RCOR3: variants seen among roughly 807,000 people sequenced by gnomAD.
RCOR3 encodes the protein REST corepressor 3.
Under a neutral mutation model 64.1 loss-of-function variants are expected in RCOR3, and 13 were observed. The ratio of observed to expected loss-of-function variants is 0.20; its 90% CI spans 0.13 to 0.32. The LOEUF (loss-of-function observed/expected upper bound fraction) is 0.32, where lower values mean the gene tolerates loss of function less well. Ranked by LOEUF, RCOR3 falls within the 10% of genes least tolerant of loss-of-function variation. The pLI, the probability that RCOR3 is intolerant of heterozygous loss-of-function variation, is 1.00. For synonymous variants in RCOR3, 215 were observed against 239.0 expected (o/e 0.90, Z 0.93); for missense variants, 489 against 701.2 (o/e 0.70, Z 3.42).
intron 2 of RCOR3, among the ~76,000 whole-genome samples, chr1:211,265,057 G>A (rs1227232560): frequency 1.3e-5 from 2 of 152,174 alleles, no homozygotes; most frequent in African/African-American, 4.8e-5. Context: ...ACAAGATTAA[G>A]TGAAAATTAA....
intron 5 of RCOR3, among the ~76,000 whole-genome samples, chr1:211,276,742 C>G (rs376652014): frequency 6.6e-6 from 1 of 151,998 alleles, no homozygotes; most frequent in Non-Finnish European, 1.5e-5. Flanking sequence ...CTCTTTGACA[C>G]GAGGATTTTT....
At chr1:211,289,787 A>G (rs1042898763) in intron 8 of RCOR3, among the ~76,000 whole-genome samples, 8 of 152,190 alleles carry the variant, frequency 5.3e-5, no homozygotes, top group African/African-American at 1.7e-4. Context: ...CATCATCATC[A>G]TCATCATTAT....
In RCOR3 at chr1:211,312,655, A is replaced by G. The variant is rs1558117197; in HGVS notation, c.1076-65A>G. On this transcript the variant is annotated intron_variant, in intron 10 of 11. Transcript: ENST00000419091. The surrounding 1 kb of genome is among the most constrained non-coding windows in gnomAD (Gnocchi z 5.0). ...TGCTGGTATCTTTTGTGTGTGCATGATGTATAGTACACACAGCTCTCCTTA... is the reference window on the plus strand; with the variant it reads ...TGCTGGTATCTTTTGTGTGTGCATGGTGTATAGTACACACAGCTCTCCTTA... 6.5e-6 allele frequency: 7 copies of G among 1,080,194 alleles called. No homozygotes were observed. Among genetic ancestry groups the G allele is most frequent in the Admixed American group, 5.6e-5 (3 of 53,888 alleles). 66.9% of individuals were successfully genotyped at this position (1,080,194 alleles called of 1,614,324 possible).
chr1:211,305,196 G>A (rs1167228539), intron 10 of RCOR3, among the ~76,000 whole-genome samples: 1 of 152,198 alleles, frequency 6.6e-6, no homozygotes, highest in East Asian at 1.9e-4. Flanking sequence ...TCACAGGAGG[G>A]TGCCAGCAGG....
chr1:211,265,875 C>A (rs917702066), intron 2 of RCOR3, among the ~76,000 whole-genome samples: 6 of 152,108 alleles, frequency 3.9e-5, no homozygotes, highest in Admixed American at 3.3e-4. Context: ...GTTTTCCTGA[C>A]ACCCTGTTTG....
At chr1:211,279,922 A>G (rs1697541511) in intron 7 of RCOR3, among the ~76,000 whole-genome samples, 1 of 152,188 alleles carries the variant, frequency 6.6e-6, no homozygotes, top group South Asian at 2.1e-4. Context: ...TAAGAGATGC[A>G]GCAGGAGAAA....
At chr1:211,280,662 A>C (rs1042268251) in intron 7 of RCOR3, among the ~76,000 whole-genome samples, 1 of 152,188 alleles carries the variant, frequency 6.6e-6, no homozygotes, top group African/African-American at 2.4e-5. Flanking sequence ...CAGTGCAGCC[A>C]AAAAGTATGT....
intron 2 of RCOR3, among the ~76,000 whole-genome samples, chr1:211,266,859 T>C (rs1305127592): frequency 3.3e-5 from 5 of 152,218 alleles, no homozygotes; most frequent in African/African-American, 1.2e-4. Flanking sequence ...TTCTCCTGTT[T>C]TATAGGAAAG....
chr1:211,311,638 A>G (rs1409362487), intron 10 of RCOR3, among the ~76,000 whole-genome samples: 2 of 152,140 alleles, frequency 1.3e-5, no homozygotes, highest in Non-Finnish European at 2.9e-5. Context: ...GATCATATAC[A>G]TGTTATTAAT....
chr1:211,260,739 A>G (rs1302522090), intron 2 of RCOR3, among the ~76,000 whole-genome samples: 1 of 151,754 alleles, frequency 6.6e-6, no homozygotes, highest in East Asian at 1.9e-4. Flanking sequence ...CCGCGGAGAG[A>G]AAGGGGTGGG....
At chr1:211,263,234 G>A (rs1286428770) in intron 2 of RCOR3, among the ~76,000 whole-genome samples, 1 of 151,646 alleles carries the variant, frequency 6.6e-6, no homozygotes, top group African/African-American at 2.4e-5. Flanking sequence ...AGTATTCCAT[G>A]GTGTATATGT....
At chr1:211,288,672 A>G (rs1401416317) in intron 7 of RCOR3, among the ~76,000 whole-genome samples, 1 of 151,094 alleles carries the variant, frequency 6.6e-6, no homozygotes, top group Admixed American at 6.6e-5. Context: ...GTCCCTTTTA[A>G]CCTTTAGAGG....
Position 211,274,208 on chromosome 1 carries a change from A to G in RCOR3, c.302-2A>G. 1 of 1,585,732 alleles carries G rather than the reference A, an allele frequency of 6.3e-7. No homozygotes were observed. The highest frequency in any genetic ancestry group is 8.6e-7 in the Non-Finnish European group (1 of 1,156,398). On this transcript the variant is annotated splice_acceptor_variant, in intron 3 of 11. Coordinates refer to ENST00000419091, the MANE Select transcript of RCOR3 (RefSeq NM_001136223.3). LOFTEE classifies it high-confidence loss of function. ...TAATTATATAACATTATTTCATTGC[A>G]GTGGATGAATACATTGCAATTGCAA... is the stretch of plus-strand genomic sequence containing the variant.
In RCOR3 at chr1:211,272,612, C is replaced by CTTTTTTTTTTT. The variant is rs768152573; in HGVS notation, c.301+1320_301+1330dup. Reference sequence around the variant, plus strand: ...TCAAGGGTGGATCCTGGATGTCTTACTTTTTTTTTTTTTTTTTTTTTTTTT... The same window carrying CTTTTTTTTTTT: ...TCAAGGGTGGATCCTGGATGTCTTACTTTTTTTTTTTTTTTTTTTTTTTTTTTTTTTTTTTT... On this transcript the variant is annotated intron_variant, in intron 3 of 11. Transcript: ENST00000419091. Among the ~76,000 whole-genome samples the CTTTTTTTTTTT allele has an allele frequency of 9.2e-4, 40 of 43,518 alleles. 16 individuals are homozygous for CTTTTTTTTTTT. Among genetic ancestry groups the CTTTTTTTTTTT allele is most frequent in the Non-Finnish European group, 1.1e-3 (29 of 26,414 alleles). The allele number at this position is 43,518 out of a possible 152,430, so 28.5% of individuals were successfully genotyped here.
At chr1:211,265,198 T>C (rs1463296666) in intron 2 of RCOR3, among the ~76,000 whole-genome samples, 1 of 152,246 alleles carries the variant, frequency 6.6e-6, no homozygotes, top group Non-Finnish European at 1.5e-5. Context: ...AAATATAATC[T>C]GTAGTGTATT....
intron 7 of RCOR3, among the ~76,000 whole-genome samples, chr1:211,279,688 T>C (rs1383250367): frequency 2.0e-5 from 3 of 152,224 alleles, no homozygotes; most frequent in East Asian, 1.9e-4. Context: ...TTTTACTGAT[T>C]TTCTTTCTAC....
chr1:211,313,584 T>C lies in RCOR3; in HGVS notation c.1478T>C (p.Leu493Pro). The C allele has an allele frequency of 6.2e-7, 1 of 1,613,984 alleles. No individual in the cohort carries two copies. The highest frequency in any genetic ancestry group is 8.5e-7 in the Non-Finnish European group (1 of 1,179,992). The change falls in exon 12 of 12, where the codon CTC becomes CCC. Residue 493 changes from leucine to proline, a missense_variant. Coordinates refer to ENST00000419091, the MANE Select transcript of RCOR3 (RefSeq NM_001136223.3). The surrounding 1 kb of genome is among the most constrained non-coding windows in gnomAD (Gnocchi z 4.7). ...APALHRQPPP[L>P]QQQARFIQPR... ...GCTCTTCACCGGCAGCCTCCTCCAC[T>C]CCAGCAGCAGGCTCGGTTCATCCAG...
chr1:211,310,054 A>G (rs1340421109), intron 10 of RCOR3, among the ~76,000 whole-genome samples: 2 of 152,192 alleles, frequency 1.3e-5, no homozygotes, highest in Admixed American at 6.5e-5. Context: ...AGAACAATAG[A>G]ATGAGGCTTT....
chr1:211,262,415 A>T (rs1694480057), intron 2 of RCOR3, among the ~76,000 whole-genome samples: 1 of 152,196 alleles, frequency 6.6e-6, no homozygotes, highest in South Asian at 2.1e-4. Context: ...ATTTGTAATT[A>T]TGAAGAATTA....
Sources: allele counts gnomAD v4.1 joint callset (sites outside exome capture counted in the v4.1 genomes callset), GRCh38; gene constraint gnomAD v4.1.1; non-coding constraint Gnocchi (gnomAD v3.1); transcripts MANE v1.5; gene names NCBI Gene and HGNC (gene_info 2026-07-23, HGNC 2026-07-21).